SSBP3: variants seen among roughly 807,000 people sequenced by gnomAD.
The protein encoded by SSBP3 is single stranded DNA binding protein 3.
A neutral mutation model predicts 69.6 loss-of-function variants in SSBP3; 5 were observed. The observed-to-expected ratio is 0.07, with a 90% CI of 0.04 to 0.15. SSBP3 has a LOEUF of 0.15. Ranked by LOEUF, SSBP3 falls within the 10% of genes least tolerant of loss-of-function variation. The pLI, the probability that SSBP3 is intolerant of heterozygous loss-of-function variation, is 1.00. For missense variants in SSBP3, 312 were observed against 534.0 expected, an observed-to-expected ratio of 0.58 and a Z score of 4.10; for synonymous variants, 196 against 193.4, an observed-to-expected ratio of 1.01 and a Z score of -0.11.
At chr1:54,288,269 C>G (rs1645528795) in intron 4 of SSBP3, among the ~76,000 whole-genome samples, 1 of 152,184 alleles carries the variant, frequency 6.6e-6, no homozygotes, top group African/African-American at 2.4e-5. Context: ...CGGCAAACCA[C>G]CTACTGTGTG....
chr1:54,228,030 C>T (rs1472673625), intron 17 of SSBP3, among the ~76,000 whole-genome samples: 1 of 152,214 alleles, frequency 6.6e-6, no homozygotes, highest in Non-Finnish European at 1.5e-5. Flanking sequence ...GTGCCAGAGG[C>T]ATCCAGCCTG....
chr1:54,242,176 G>A (rs1356479860), exon 11 of SSBP3: 1 of 1,613,608 alleles, frequency 6.2e-7, no homozygotes, highest in Admixed American at 1.7e-5. Flanking sequence ...AGTTAGCACT[G>A]TTAGGATTGG....
At chr1:54,282,467 TTC>T (rs1266818954) in intron 4 of SSBP3, among the ~76,000 whole-genome samples, 3 of 152,220 alleles carry the variant, frequency 2.0e-5, no homozygotes, top group Non-Finnish European at 4.4e-5. Flanking sequence ...GTCATTCCTT[TTC>T]TCTTTAAACA....
chr1:54,404,088 G>A (rs1483884026), intron 3 of SSBP3, among the ~76,000 whole-genome samples: 1 of 152,194 alleles, frequency 6.6e-6, no homozygotes, highest in East Asian at 1.9e-4. Context: ...TTTAAAGGAA[G>A]TGGCAGCCCT....
At chr1:54,329,972 C>T (rs892608133) in intron 4 of SSBP3, among the ~76,000 whole-genome samples, 5 of 152,280 alleles carry the variant, frequency 3.3e-5, no homozygotes, top group African/African-American at 7.2e-5. Context: ...AAGGAGACCA[C>T]GCATCCCAGA....
intron 5 of SSBP3, among the ~76,000 whole-genome samples, chr1:54,272,336 T>C (rs1436291237): frequency 6.6e-6 from 1 of 152,014 alleles, no homozygotes; most frequent in African/African-American, 2.4e-5. Context: ...CAGACTCCCC[T>C]GAAGGGGAGG....
At chr1:54,305,698 T>C (rs904137106) in intron 4 of SSBP3, among the ~76,000 whole-genome samples, 39 of 151,294 alleles carry the variant, frequency 2.6e-4, no homozygotes, top group Non-Finnish European at 3.7e-4. Context: ...GCTCATGTGA[T>C]CCTCCCACCT....
At chr1:54,234,343 TA>T (rs948188285) in intron 14 of SSBP3, among the ~76,000 whole-genome samples, 1 of 118,734 alleles carries the variant, frequency 8.4e-6, no homozygotes, top group South Asian at 3.0e-4. Flanking sequence ...GAATTATCAA[TA>T]AAAAAATAAA....
At position 54,403,235 on chromosome 1, in the gene SSBP3, A is replaced by G. The variant is rs182906371; in HGVS notation, c.192-1290T>C. 4.4e-3 allele frequency among the ~76,000 whole-genome samples: 671 copies of G among 152,318 alleles called. 6 individuals are homozygous for G. Among genetic ancestry groups the G allele is most frequent in the South Asian group, 0.013 (65 of 4,830 alleles). On this transcript the variant is annotated intron_variant, in intron 3 of 17. Coordinates refer to ENST00000610401, the Ensembl canonical transcript of SSBP3. The stretch of plus-strand genomic sequence containing the variant: ...GGAGAAGTTTCAGGAGATTCTGGAT[A>G]TAACAGGAAAATCAGGACTTCTACT...
intron 6 of SSBP3, among the ~76,000 whole-genome samples, chr1:54,257,448 A>C (rs751457478): frequency 6.6e-6 from 1 of 152,166 alleles, no homozygotes; most frequent in Non-Finnish European, 1.5e-5. Flanking sequence ...GGGACTTTGC[A>C]TAAGAAACGA....
intron 9 of SSBP3, among the ~76,000 whole-genome samples, chr1:54,247,036 C>T (rs1047439342): frequency 3.9e-5 from 6 of 152,248 alleles, no homozygotes; most frequent in Non-Finnish European, 5.9e-5. Flanking sequence ...GGGCAGAGAG[C>T]AGGAGCCTCC....
At chr1:54,240,133 A>T (rs572348198) in intron 13 of SSBP3, among the ~76,000 whole-genome samples, 1 of 136,234 alleles carries the variant, frequency 7.3e-6, no homozygotes, top group South Asian at 2.3e-4. Flanking sequence ...ACACATGCCC[A>T]CGTATGTGCA....
At chr1:54,330,015 C>A (rs961007892) in intron 4 of SSBP3, among the ~76,000 whole-genome samples, 1 of 152,188 alleles carries the variant, frequency 6.6e-6, no homozygotes, top group Non-Finnish European at 1.5e-5. Context: ...CCCCACCATA[C>A]TGATGAATAG....
chr1:54,238,939 T>C, intron 14 of SSBP3, 190 bp downstream of exon 14: 4 of 377,894 alleles, frequency 1.1e-5, no homozygotes, highest in Non-Finnish European at 2.1e-5. Context: ...CCCCTTCCTC[T>C]CCCACCCCCT....
chr1:54,361,475 C>T (rs981444495), intron 4 of SSBP3, among the ~76,000 whole-genome samples: 2 of 152,072 alleles, frequency 1.3e-5, no homozygotes, highest in Non-Finnish European at 2.9e-5. Context: ...AGATGAACCC[C>T]ACACGCACTC....
Position 54,299,424 on chromosome 1 carries a change from G to A in SSBP3, c.277-17897C>T, listed in dbSNP as rs1645761199. Among the ~76,000 whole-genome samples the A allele has an allele frequency of 2.0e-5, 3 of 151,902 alleles. No individual in the cohort carries two copies. The South Asian group carries it at 6.2e-4, about 32-fold the overall frequency. ...ACTAAAGGGGAAACTAAGGCCCAAAGCAGAAGACAGACATGCCCAGAACCT... is the reference window on the plus strand; with the variant it reads ...ACTAAAGGGGAAACTAAGGCCCAAAACAGAAGACAGACATGCCCAGAACCT... On this transcript the variant is annotated intron_variant, in intron 4 of 17. Transcript: ENST00000610401.
chr1:54,360,962 T>C (rs564331683), intron 4 of SSBP3, among the ~76,000 whole-genome samples: 2 of 150,790 alleles, frequency 1.3e-5, no homozygotes, highest in South Asian at 4.2e-4. Context: ...AAGGGGTACA[T>C]GCCTGTAGTC....
At chr1:54,285,681 C>G (rs560668399) in intron 4 of SSBP3, among the ~76,000 whole-genome samples, 6 of 152,118 alleles carry the variant, frequency 3.9e-5, no homozygotes, top group Non-Finnish European at 8.8e-5. Flanking sequence ...CAACTTTGAG[C>G]TGGAGCTCCA....
At chr1:54,380,890 G>T (rs1057234911) in intron 4 of SSBP3, among the ~76,000 whole-genome samples, 4 of 152,016 alleles carry the variant, frequency 2.6e-5, no homozygotes, top group Non-Finnish European at 4.4e-5. Context: ...GGAGGCTGAA[G>T]CGGGACAACT....
Sources: allele counts gnomAD v4.1 joint callset (sites outside exome capture counted in the v4.1 genomes callset), GRCh38; gene constraint gnomAD v4.1.1; transcripts MANE v1.5; gene names NCBI Gene and HGNC (gene_info 2026-07-23, HGNC 2026-07-21).